ERBB4: variants seen among roughly 807,000 people sequenced by gnomAD.
ERBB4 encodes the protein erb-b2 receptor tyrosine kinase 4, also known as receptor tyrosine-protein kinase erbB-4.
In ERBB4, 42 loss-of-function variants were observed where a neutral mutation model predicts 158.0. That is an observed-to-expected ratio of 0.27 (90% CI 0.21 to 0.34). The LOEUF is 0.34. Among genes scored for constraint, ERBB4 ranks in the 10% least tolerant of loss-of-function variants. The pLI is 1.00. For missense variants in ERBB4, 1,333 were observed against 1,624.1 expected, an observed-to-expected ratio of 0.82 and a Z score of 3.08; for synonymous variants, 583 against 558.7, an observed-to-expected ratio of 1.04 and a Z score of -0.61.
intron 1 of ERBB4, among the ~76,000 whole-genome samples, chr2:212,203,244 G>A (rs528829106): frequency 6.6e-6 from 1 of 152,220 alleles, no homozygotes; most frequent in East Asian, 1.9e-4. Flanking sequence ...CTGGAAAGTG[G>A]CTTTTGAGTA....
chr2:211,916,193 A>G (rs1209153755), intron 3 of ERBB4, among the ~76,000 whole-genome samples: 1 of 151,854 alleles, frequency 6.6e-6, no homozygotes, highest in East Asian at 1.9e-4. Context: ...TTGTTTATTT[A>G]TTTTGAGACA....
At chr2:212,146,829 C>T (rs1167961732) in intron 1 of ERBB4, among the ~76,000 whole-genome samples, 4 of 152,034 alleles carry the variant, frequency 2.6e-5, no homozygotes, top group Non-Finnish European at 5.9e-5. Context: ...TGGTGCCAGA[C>T]ATTTCTTCCC....
At chr2:211,984,333 C>A in intron 2 of ERBB4, among the ~76,000 whole-genome samples, 1 of 152,086 alleles carries the variant, frequency 6.6e-6, no homozygotes, top group East Asian at 1.9e-4. Flanking sequence ...CTTCAGGGGA[C>A]ACTCAGACTA....
chr2:212,389,737 C>G (rs538436388), intron 1 of ERBB4, among the ~76,000 whole-genome samples: 16 of 151,890 alleles, frequency 1.1e-4, no homozygotes, highest in Non-Finnish European at 2.1e-4. Flanking sequence ...ATATTGTGTA[C>G]TTGGCATTAT....
At chr2:211,704,553 A>G (rs1429920955) in intron 10 of ERBB4, among the ~76,000 whole-genome samples, 1 of 152,182 alleles carries the variant, frequency 6.6e-6, no homozygotes, top group Admixed American at 6.5e-5. Context: ...AGACATTTAT[A>G]TACATATCTA....
intron 2 of ERBB4, among the ~76,000 whole-genome samples, chr2:212,116,388 T>C (rs180838845): frequency 2.6e-5 from 4 of 152,314 alleles, no homozygotes; most frequent in Non-Finnish European, 1.5e-5. Flanking sequence ...TTATTTATAG[T>C]TTTTTAATAT....
intron 3 of ERBB4, among the ~76,000 whole-genome samples, chr2:211,869,616 G>A (rs2078293083): frequency 6.6e-6 from 1 of 151,966 alleles, no homozygotes; most frequent in Admixed American, 6.6e-5. Context: ...AAAGTTTTCA[G>A]TAAATGTTTA....
chr2:212,049,218 T>A (rs1249641858), intron 2 of ERBB4, among the ~76,000 whole-genome samples: 1 of 152,204 alleles, frequency 6.6e-6, no homozygotes, highest in Admixed American at 6.5e-5. Flanking sequence ...AATTATAATA[T>A]CTCTGTTAAA....
At position 212,013,720 on chromosome 2, in the gene ERBB4, G is replaced by C. The variant is rs73083311; in HGVS notation, c.235-66104C>G. ...TGGCAATTATCAGAAGCTAGAAGAG[G>C]CAAGGTTTCTTCCCTAGAGCATCTT... On this transcript the variant is annotated intron_variant, in intron 2 of 27. Coordinates refer to ENST00000342788, the MANE Select transcript of ERBB4 (RefSeq NM_005235.3). Among the ~76,000 whole-genome samples the C allele has an allele frequency of 6.2e-3, 947 of 152,238 alleles. 9 individuals are homozygous for C. Among genetic ancestry groups the C allele is most frequent in the African/African-American group, 0.022 (904 of 41,548 alleles).
At chr2:211,613,896 G>A (rs1030646989) in intron 19 of ERBB4, among the ~76,000 whole-genome samples, 4 of 151,972 alleles carry the variant, frequency 2.6e-5, no homozygotes, top group Admixed American at 6.6e-5. Flanking sequence ...GCTACCATAC[G>A]ATACAGCAAT....
At chr2:212,004,963 T>A (rs1269754071) in intron 2 of ERBB4, among the ~76,000 whole-genome samples, 1 of 152,100 alleles carries the variant, frequency 6.6e-6, no homozygotes, top group Non-Finnish European at 1.5e-5. Flanking sequence ...TTCTCATAGG[T>A]CCTTACTTAA....
chr2:211,796,979 T>C (rs777592479), intron 3 of ERBB4, among the ~76,000 whole-genome samples: 4 of 151,800 alleles, frequency 2.6e-5, no homozygotes, highest in African/African-American at 9.7e-5. Flanking sequence ...AAGAGTAAAA[T>C]ACGATTTCTG....
chr2:212,134,482 C>T (rs2080206349), intron 1 of ERBB4, among the ~76,000 whole-genome samples: 1 of 151,488 alleles, frequency 6.6e-6, no homozygotes, highest in Admixed American at 6.6e-5. Context: ...AAAGAAAAAA[C>T]TATTAGCAAA....
chr2:212,304,694 C>T (rs1030904755), intron 1 of ERBB4, among the ~76,000 whole-genome samples: 7 of 151,432 alleles, frequency 4.6e-5, no homozygotes, highest in African/African-American at 1.5e-4. Flanking sequence ...ATTCACATGG[C>T]CATTTTCCAC....
intron 1 of ERBB4, among the ~76,000 whole-genome samples, chr2:212,127,299 CATT>C (rs1209385649): frequency 1.3e-5 from 2 of 152,180 alleles, no homozygotes; most frequent in African/African-American, 2.4e-5. Context: ...TTTCTTAAAA[CATT>C]ATATTTTTTG....
At chr2:212,163,403 C>A (rs1316462805) in intron 1 of ERBB4, among the ~76,000 whole-genome samples, 1 of 151,876 alleles carries the variant, frequency 6.6e-6, no homozygotes, top group Non-Finnish European at 1.5e-5. Context: ...TTAATTTAAC[C>A]CAGTCAGTGC....
At chr2:211,746,772 C>T (rs1013556994) in intron 5 of ERBB4, among the ~76,000 whole-genome samples, 9 of 146,446 alleles carry the variant, frequency 6.1e-5, no homozygotes, top group South Asian at 4.4e-4. Flanking sequence ...GGAGGTTGCA[C>T]GGAGCCGAGA....
chr2:212,447,784 G>A (rs2092384651), intron 1 of ERBB4, among the ~76,000 whole-genome samples: 1 of 150,524 alleles, frequency 6.6e-6, no homozygotes, highest in Admixed American at 6.6e-5. Context: ...TTGTGTGTGT[G>A]TGTGTGTGTG....
intron 3 of ERBB4, among the ~76,000 whole-genome samples, chr2:211,929,410 G>T (rs2080111795): frequency 2.0e-5 from 3 of 151,958 alleles, no homozygotes; most frequent in Non-Finnish European, 2.9e-5. Context: ...AAAAAGAAAA[G>T]AAAACCAAAA....
Sources: allele counts gnomAD v4.1 joint callset (sites outside exome capture counted in the v4.1 genomes callset), GRCh38; gene constraint gnomAD v4.1.1; transcripts MANE v1.5; gene names NCBI Gene and HGNC (gene_info 2026-07-23, HGNC 2026-07-21).